Variants in LIMS1 observed in about 807,000 individuals in gnomAD.
LIMS1 encodes the protein LIM zinc finger domain containing 1.
LIMS1 carries 18 observed loss-of-function variants against 44.1 expected under a neutral mutation model. The ratio of observed to expected loss-of-function variants is 0.41; its 90% CI spans 0.28 to 0.61. The LOEUF is 0.61. Ranked by LOEUF, LIMS1 falls within the 20% of genes least tolerant of loss-of-function variation. The probability of loss-of-function intolerance (pLI) is 0.32; values close to 1 mark genes in which losing one functional copy is unlikely to be tolerated. For synonymous variants in LIMS1, 93 were observed against 149.1 expected, an observed-to-expected ratio of 0.62 and a Z score of 2.74; for missense variants, 201 against 422.0, an observed-to-expected ratio of 0.48 and a Z score of 4.59.
At chr2:108,632,116 C>A (rs765297742) in intron 1 of LIMS1, among the ~76,000 whole-genome samples, 2 of 152,074 alleles carry the variant, frequency 1.3e-5, no homozygotes, top group Non-Finnish European at 2.9e-5. Context: ...GGAGTACAGG[C>A]GCCTGCCACC....
intron 1 of LIMS1, among the ~76,000 whole-genome samples, chr2:108,657,640 A>G (rs1296904387): frequency 2.8e-4 from 42 of 152,282 alleles, no homozygotes; most frequent in Non-Finnish European, 5.3e-4. Flanking sequence ...TCCCCAACCT[A>G]CAGTAACTTT....
chr2:108,538,243 T>C (rs975486992), intron 1 of LIMS1, among the ~76,000 whole-genome samples: 1 of 152,240 alleles, frequency 6.6e-6, no homozygotes, highest in African/African-American at 2.4e-5. Flanking sequence ...AGGTTTCCTT[T>C]TCACTCTTTC....
chr2:108,637,363 C>T (rs534017236), intron 1 of LIMS1, among the ~76,000 whole-genome samples: 137 of 152,226 alleles, frequency 9.0e-4, no homozygotes, highest in African/African-American at 3.2e-3. Flanking sequence ...TTTACCTTAT[C>T]ATTGAGGGAA....
intron 5 of LIMS1, chr2:108,673,600 G>T (rs555031002): frequency 8.5e-4 from 136 of 160,730 alleles, no homozygotes; most frequent in African/African-American, 3.0e-3. Context: ...CGTTGCCCAG[G>T]CTGGTCTCAA....
intron 1 of LIMS1, among the ~76,000 whole-genome samples, chr2:108,630,009 A>G (rs1230637390): frequency 1.3e-5 from 2 of 152,184 alleles, no homozygotes; most frequent in Non-Finnish European, 2.9e-5. Flanking sequence ...ACTGGGCAAC[A>G]TGGTGAAACC....
rs1160079369 is a variant in LIMS1, at chr2:108,551,947, G to GTATA, written c.32+17354_32+17355insATAT. Reference sequence around the variant, plus strand: ...TGTATATATGTGTGTGTGTGTGTGTGTGTGTGTATATATATATATATATAT... The same window carrying GTATA: ...TGTATATATGTGTGTGTGTGTGTGTGTATATGTGTGTATATATATATATATATAT... On this transcript the variant is annotated intron_variant, in intron 1 of 9. Coordinates refer to ENST00000544547, the Ensembl canonical transcript of LIMS1. Among the ~76,000 whole-genome samples the GTATA allele has an allele frequency of 3.1e-5, 3 of 95,608 alleles. No homozygotes were observed. In the East Asian group the frequency reaches 2.7e-3, roughly 86 times the overall value. The allele number at this position is 95,608 out of a possible 152,430, so 62.7% of individuals were successfully genotyped here.
chr2:108,573,952 G>T (rs1043397484), intron 1 of LIMS1, among the ~76,000 whole-genome samples: 1 of 152,050 alleles, frequency 6.6e-6, no homozygotes, highest in African/African-American at 2.4e-5. Flanking sequence ...ATGCCATTCA[G>T]CTAGGGAATG....
At chr2:108,559,426 ATTAC>A (rs1425193138) in intron 1 of LIMS1, among the ~76,000 whole-genome samples, 20 of 152,342 alleles carry the variant, frequency 1.3e-4, no homozygotes, top group African/African-American at 4.8e-4. Context: ...GTGATACATA[ATTAC>A]TTATGTTCCA....
chr2:108,583,209 T>TG (rs949771845), intron 1 of LIMS1, among the ~76,000 whole-genome samples: 1 of 23,940 alleles, frequency 4.2e-5, no homozygotes, highest in Non-Finnish European at 8.9e-5. Flanking sequence ...ATGTTTGTAT[T>TG]TTTTTTTTTT....
chr2:108,595,734 A>G (rs1288097411), intron 1 of LIMS1, among the ~76,000 whole-genome samples: 20 of 152,328 alleles, frequency 1.3e-4, no homozygotes, highest in Admixed American at 1.2e-3. Context: ...CTTCATCTGA[A>G]AAATGAAAAA....
intron 9 of LIMS1, among the ~76,000 whole-genome samples, chr2:108,683,358 G>A (rs184247747): frequency 1.3e-5 from 2 of 151,630 alleles, no homozygotes; most frequent in Non-Finnish European, 2.9e-5. Flanking sequence ...TAGGCAATAC[G>A]ACAGGACCCT....
chr2:108,635,967 A>G (rs940167900), intron 1 of LIMS1, among the ~76,000 whole-genome samples: 1 of 152,224 alleles, frequency 6.6e-6, no homozygotes, highest in Non-Finnish European at 1.5e-5. Context: ...CCTGGGTCCA[A>G]CCAGGAGAGA....
At chr2:108,638,507 G>A (rs1223536718) in intron 1 of LIMS1, among the ~76,000 whole-genome samples, 18 of 152,248 alleles carry the variant, frequency 1.2e-4, no homozygotes, top group Admixed American at 1.2e-3. Context: ...ACTTTGGGAG[G>A]CCAGGGCGAG....
At chr2:108,616,743 G>A (rs904403332) in intron 1 of LIMS1, among the ~76,000 whole-genome samples, 4 of 151,966 alleles carry the variant, frequency 2.6e-5, no homozygotes, top group Non-Finnish European at 4.4e-5. Context: ...GAGCCTACTC[G>A]CAATGGTACA....
At chr2:108,627,780 A>G (rs1688664882) in intron 1 of LIMS1, among the ~76,000 whole-genome samples, 2 of 152,224 alleles carry the variant, frequency 1.3e-5, no homozygotes, top group African/African-American at 2.4e-5. Flanking sequence ...TTCTGTGACT[A>G]AAACAAACTT....
At chr2:108,623,784 T>C (rs1688400443) in intron 1 of LIMS1, among the ~76,000 whole-genome samples, 1 of 152,234 alleles carries the variant, frequency 6.6e-6, no homozygotes, top group African/African-American at 2.4e-5. Context: ...GTTCATTTCT[T>C]ACGTTTGTGG....
intron 1 of LIMS1, among the ~76,000 whole-genome samples, chr2:108,559,361 A>G (rs752404020): frequency 6.6e-6 from 1 of 152,232 alleles, no homozygotes; most frequent in Non-Finnish European, 1.5e-5. Flanking sequence ...GATTTGCATT[A>G]CATGTAATTT....
At chr2:108,661,349 T>TA (rs1691354686) in intron 2 of LIMS1, among the ~76,000 whole-genome samples, 2 of 151,460 alleles carry the variant, frequency 1.3e-5, no homozygotes, top group Admixed American at 6.6e-5. Flanking sequence ...TTTTTTTTTT[T>TA]AACTTTATTT....
At chr2:108,660,319 T>A (rs913819318) in intron 2 of LIMS1, 6 of 467,288 alleles carry the variant, frequency 1.3e-5, no homozygotes, top group African/African-American at 1.2e-4. Flanking sequence ...GGTGTCTATG[T>A]TCTTTTCTAA....
Sources: allele counts gnomAD v4.1 joint callset (sites outside exome capture counted in the v4.1 genomes callset), GRCh38; gene constraint gnomAD v4.1.1; transcripts MANE v1.5; gene names NCBI Gene and HGNC (gene_info 2026-07-23, HGNC 2026-07-21).